Variants in PDE4D observed in about 807,000 individuals in gnomAD.
The protein encoded by PDE4D is phosphodiesterase 4D.
Under a neutral mutation model 87.4 loss-of-function variants are expected in PDE4D, and 24 were observed. That is an observed-to-expected ratio of 0.27 (90% CI 0.20 to 0.39). The LOEUF is 0.39. Among genes scored for constraint, PDE4D ranks in the 10% least tolerant of loss-of-function variants. The pLI is 1.00. For missense variants in PDE4D, 714 were observed against 1,041.0 expected (o/e 0.69, Z 4.32); for synonymous variants, 384 against 383.2 (o/e 1.00, Z -0.02).
intron 5 of PDE4D, among the ~76,000 whole-genome samples, chr5:59,094,216 C>CAA (rs1164383460): frequency 0.056 from 812 of 14,558 alleles, 274 homozygotes; most frequent in Non-Finnish European, 0.075. Flanking sequence ...GACTCCGTCT[C>CAA]AAAAAAAAAA....
At chr5:59,469,661 A>T (rs1284237845) in intron 1 of PDE4D, among the ~76,000 whole-genome samples, 1 of 152,122 alleles carries the variant, frequency 6.6e-6, no homozygotes, top group Non-Finnish European at 1.5e-5. Flanking sequence ...CCAAAGAAAA[A>T]CTTCCTCCAT....
At chr5:60,152,790 C>T (rs567763320) in intron 2 of PDE4D, among the ~76,000 whole-genome samples, 1 of 152,084 alleles carries the variant, frequency 6.6e-6, no homozygotes, top group South Asian at 2.1e-4. Context: ...CTTCCTGATT[C>T]AATCTTTGGA....
chr5:60,217,458 C>G (rs1031198177), intron 1 of PDE4D, among the ~76,000 whole-genome samples: 21 of 151,668 alleles, frequency 1.4e-4, no homozygotes, highest in African/African-American at 5.1e-4. Flanking sequence ...AAGAAACAAA[C>G]CTAGCATCTG....
At chr5:59,074,776 T>G (rs1765412492) in intron 5 of PDE4D, among the ~76,000 whole-genome samples, 1 of 151,492 alleles carries the variant, frequency 6.6e-6, no homozygotes, top group South Asian at 2.1e-4. Flanking sequence ...AAAAAGAGAG[T>G]CTAGCCTAAA....
chr5:60,314,881 T>C (rs1755406459), intron 1 of PDE4D, among the ~76,000 whole-genome samples: 1 of 152,232 alleles, frequency 6.6e-6, no homozygotes. Context: ...TAATCCAGTC[T>C]ATCATTGTTG....
At chr5:60,101,592 A>G (rs1213458644) in intron 2 of PDE4D, among the ~76,000 whole-genome samples, 3 of 152,118 alleles carry the variant, frequency 2.0e-5, no homozygotes, top group Non-Finnish European at 4.4e-5. Context: ...TTTGGGTTGG[A>G]AGCTAACAAG....
chr5:59,058,755 C>T (rs1041321649), intron 5 of PDE4D, among the ~76,000 whole-genome samples: 2 of 151,412 alleles, frequency 1.3e-5, no homozygotes, highest in African/African-American at 4.9e-5. Flanking sequence ...CACCTGTCTA[C>T]AAAGAGACTC....
At chr5:59,512,879 T>C (rs1810505125) in intron 1 of PDE4D, among the ~76,000 whole-genome samples, 1 of 152,172 alleles carries the variant, frequency 6.6e-6, no homozygotes, top group Non-Finnish European at 1.5e-5. Context: ...TTATTTCTAT[T>C]TTTGAAAAGA....
intron 1 of PDE4D, among the ~76,000 whole-genome samples, chr5:59,789,585 T>G (rs982214422): frequency 6.6e-6 from 1 of 152,244 alleles, no homozygotes; most frequent in African/African-American, 2.4e-5. Flanking sequence ...AATTAGTCAT[T>G]ATATTCCCAG....
chr5:59,659,516 C>T (rs1744896729), intron 1 of PDE4D, among the ~76,000 whole-genome samples: 1 of 152,178 alleles, frequency 6.6e-6, no homozygotes, highest in Admixed American at 6.5e-5. Flanking sequence ...AAGGTGTGGC[C>T]TCCAGGCCTT....
At chr5:59,885,815 A>G (rs183965218) in intron 1 of PDE4D, among the ~76,000 whole-genome samples, 180 of 152,234 alleles carry the variant, frequency 1.2e-3, no homozygotes, top group African/African-American at 4.1e-3. Context: ...AACTCAAATT[A>G]TAGGCTGCTT....
chr5:59,664,550 T>C (rs1044817411), intron 1 of PDE4D, among the ~76,000 whole-genome samples: 1 of 152,168 alleles, frequency 6.6e-6, no homozygotes, highest in African/African-American at 2.4e-5. Context: ...GAAAAATAAA[T>C]AGGCAAATCC....
At chr5:59,503,774 T>C (rs564310436) in intron 1 of PDE4D, among the ~76,000 whole-genome samples, 1 of 152,310 alleles carries the variant, frequency 6.6e-6, no homozygotes, top group East Asian at 1.9e-4. Context: ...GTTTACTTTC[T>C]TGATATGAAC....
intron 3 of PDE4D, among the ~76,000 whole-genome samples, chr5:59,900,250 AT>A (rs1297777334): frequency 2.3e-4 from 10 of 44,372 alleles, no homozygotes; most frequent in Admixed American, 3.2e-4. Flanking sequence ...AAAAAAAAAT[AT>A]ATATATATAT....
intron 2 of PDE4D, among the ~76,000 whole-genome samples, chr5:60,040,335 G>C (rs532796587): frequency 1.3e-5 from 2 of 152,242 alleles, no homozygotes; most frequent in South Asian, 2.1e-4. Context: ...TAGTAGAGTG[G>C]GATGCTGTGA....
At chr5:60,198,164 A>G (rs1281777200) in intron 1 of PDE4D, among the ~76,000 whole-genome samples, 1 of 151,520 alleles carries the variant, frequency 6.6e-6, no homozygotes, top group African/African-American at 2.4e-5. Flanking sequence ...CTGCCATTAG[A>G]GAATCATTTT....
intron 1 of PDE4D, among the ~76,000 whole-genome samples, chr5:59,604,116 C>CA (rs1423997110): frequency 2.2e-3 from 24 of 10,692 alleles, no homozygotes; most frequent in African/African-American, 4.6e-3. Flanking sequence ...CTTGTAAAAA[C>CA]AGTTTTTCTG....
intron 11 of PDE4D, among the ~76,000 whole-genome samples, chr5:58,979,332 T>C (rs536655393): frequency 2.0e-5 from 3 of 152,308 alleles, no homozygotes; most frequent in Admixed American, 1.3e-4. Flanking sequence ...GATGCCTTAG[T>C]GGACTGGCAG....
intron 1 of PDE4D, among the ~76,000 whole-genome samples, chr5:59,557,892 G>A (rs995438859): frequency 3.9e-4 from 59 of 152,272 alleles, no homozygotes; most frequent in African/African-American, 1.4e-3. Context: ...AAAAAGACCA[G>A]CAGTACCTGG....
Sources: allele counts gnomAD v4.1 joint callset (sites outside exome capture counted in the v4.1 genomes callset), GRCh38; gene constraint gnomAD v4.1.1; transcripts MANE v1.5; gene names NCBI Gene and HGNC (gene_info 2026-07-23, HGNC 2026-07-21).